CLTB: variants seen among roughly 807,000 people sequenced by gnomAD.
The protein encoded by CLTB is clathrin light chain B.
CLTB carries 10 observed loss-of-function variants against 30.5 expected under a neutral mutation model. The observed-to-expected ratio is 0.33, with a 90% CI of 0.20 to 0.56. The LOEUF is 0.56. Among genes scored for constraint, CLTB ranks in the 20% least tolerant of loss-of-function variants. CLTB has a pLI of 0.91. For synonymous variants in CLTB, 102 were observed against 120.3 expected (o/e 0.85, Z 1.00); for missense variants, 261 against 308.3 (o/e 0.85, Z 1.15).
chr5:176,398,888 G>C (rs1756678395), intron 2 of CLTB, among the ~76,000 whole-genome samples: 1 of 151,702 alleles, frequency 6.6e-6, no homozygotes, highest in Non-Finnish European at 1.5e-5. Flanking sequence ...TGTTTCCCAG[G>C]CTGGAGTGCA....
intron 2 of CLTB, among the ~76,000 whole-genome samples, chr5:176,403,107 T>C (rs1003540249): frequency 6.7e-6 from 1 of 150,230 alleles, no homozygotes; most frequent in African/African-American, 2.5e-5. Flanking sequence ...TGGAGTGCAG[T>C]GTCAGGATCT....
At chr5:176,415,631 A>G (rs141162436) in intron 1 of CLTB, among the ~76,000 whole-genome samples, 23 of 152,360 alleles carry the variant, frequency 1.5e-4, no homozygotes, top group African/African-American at 4.8e-4. Context: ...CAGTTTTACC[A>G]TCTCTGAAAT....
At chr5:176,398,480 G>A (rs1756660277) in intron 2 of CLTB, among the ~76,000 whole-genome samples, 2 of 152,140 alleles carry the variant, frequency 1.3e-5, no homozygotes, top group South Asian at 2.1e-4. Flanking sequence ...GGGAGGCCGA[G>A]GCGGCAAATC....
intron 2 of CLTB, among the ~76,000 whole-genome samples, 195 bp from the exon 3 acceptor site, chr5:176,398,242 G>A (rs568130332): frequency 4.3e-4 from 65 of 152,260 alleles, no homozygotes; most frequent in African/African-American, 1.4e-3. Flanking sequence ...GTGTGACTGC[G>A]GGCAAGTTAC....
chr5:176,411,740 C>G (rs1219626136), intron 1 of CLTB, among the ~76,000 whole-genome samples: 5 of 152,160 alleles, frequency 3.3e-5, no homozygotes, highest in Admixed American at 2.0e-4. Flanking sequence ...AACCCTGGAA[C>G]ATGAGGATCT....
chr5:176,397,865 G>C (rs1255445405), intron 3 of CLTB, 65 bp downstream of exon 3: 2 of 1,497,534 alleles, frequency 1.3e-6, no homozygotes, highest in African/African-American at 2.8e-5. Flanking sequence ...TGCACTCCGA[G>C]GACTCCCCAC....
At chr5:176,402,588 C>T (rs1222061161) in intron 2 of CLTB, among the ~76,000 whole-genome samples, 4 of 152,210 alleles carry the variant, frequency 2.6e-5, no homozygotes, top group Admixed American at 2.0e-4. Context: ...CCCTTCCCTC[C>T]CTGCCATGAG....
chr5:176,399,134 G>A (rs78849357), intron 2 of CLTB, among the ~76,000 whole-genome samples: 2 of 152,042 alleles, frequency 1.3e-5, no homozygotes, highest in African/African-American at 2.4e-5. Context: ...TTGAGCCACC[G>A]TGACCAGCCC....
intron 1 of CLTB, among the ~76,000 whole-genome samples, chr5:176,411,915 G>A (rs190322259): frequency 1.2e-4 from 18 of 152,190 alleles, no homozygotes; most frequent in African/African-American, 4.1e-4. Context: ...GGTGGCTTAT[G>A]CCTGTAATCC....
rs528480357 is a variant in CLTB at position 176,394,398 on chromosome 5, G to A, written c.519-1453C>T. Among the ~76,000 whole-genome samples the A allele has an allele frequency of 5.3e-5, 8 of 152,380 alleles. No individual in the cohort carries two copies. The South Asian group carries it at 6.2e-4, about 12-fold the overall frequency. On this transcript the variant is annotated intron_variant, in intron 5 of 5. Coordinates refer to ENST00000310418, the MANE Select transcript of CLTB (RefSeq NM_007097.5). ...GGCATGTGAAAGTTTGAGCCTGGGC[G>A]CAGTGGCTCACTCCTGTAATCCCAG...
At chr5:176,399,862 A>G (rs13175787) in intron 2 of CLTB, among the ~76,000 whole-genome samples, 14,173 of 149,208 alleles carry the variant, frequency 0.095, 801 homozygotes, top group African/African-American at 0.13. Context: ...TGGGCCACAG[A>G]GTGAGACTTG....
At chr5:176,397,770 C>G in intron 3 of CLTB, 52 bp from the exon 4 acceptor site, 1 of 1,563,530 alleles carries the variant, frequency 6.4e-7, no homozygotes, top group Non-Finnish European at 8.8e-7. Flanking sequence ...GATGCACAGG[C>G]CCGGCCGCGC....
intron 1 of CLTB, among the ~76,000 whole-genome samples, chr5:176,414,647 T>C (rs1324578060): frequency 1.3e-5 from 2 of 152,144 alleles, no homozygotes; most frequent in African/African-American, 4.8e-5. Context: ...TTCACCATGT[T>C]GCCCAGGCTC....
intron 1 of CLTB, among the ~76,000 whole-genome samples, chr5:176,411,090 T>C (rs1362164979): frequency 6.6e-6 from 1 of 152,256 alleles, no homozygotes; most frequent in African/African-American, 2.4e-5. Flanking sequence ...ACTGTGTCTC[T>C]TTCTCTTCTC....
At chr5:176,398,867 G>T (rs1006369930) in intron 2 of CLTB, among the ~76,000 whole-genome samples, 6 of 151,030 alleles carry the variant, frequency 4.0e-5, no homozygotes, top group Non-Finnish European at 1.5e-5. Context: ...TTTTGAGATG[G>T]AGTGTCCCTC....
chr5:176,412,042 GGCA>G (rs754105503), intron 1 of CLTB, among the ~76,000 whole-genome samples: 2 of 152,002 alleles, frequency 1.3e-5, no homozygotes, highest in Non-Finnish European at 2.9e-5. Flanking sequence ...CAGGCGTGGT[GGCA>G]GGCGCCTGTA....
chr5:176,401,416 A>T (rs1756810111), intron 2 of CLTB, among the ~76,000 whole-genome samples: 1 of 152,246 alleles, frequency 6.6e-6, no homozygotes, highest in African/African-American at 2.4e-5. Context: ...GCAAACATGT[A>T]CTGAGCCCTT....
At chr5:176,398,487 A>G (rs1756660824) in intron 2 of CLTB, among the ~76,000 whole-genome samples, 1 of 152,088 alleles carries the variant, frequency 6.6e-6, no homozygotes, top group Non-Finnish European at 1.5e-5. Context: ...CGAGGCGGCA[A>G]ATCACCTGAG....
In CLTB at chr5:176,392,854, T is replaced by TG; in HGVS notation, c.609dup (p.Lys204GlnfsTer31). 1 of 1,614,208 alleles carries TG rather than the reference T, an allele frequency of 6.2e-7. No individual in the cohort carries two copies. Among genetic ancestry groups the TG allele is most frequent in the Non-Finnish European group, 8.5e-7 (1 of 1,180,018 alleles). On this transcript the variant is annotated frameshift_variant, in exon 6 of 6. Coordinates refer to ENST00000310418, the MANE Select transcript of CLTB (RefSeq NM_007097.5). LOFTEE classifies it high-confidence loss of function. This position sits in a 1 kb window ranked among gnomAD's most constrained non-coding sequence, Gnocchi z 5.2. ...ACATCTTTGCACTGCTTGCTGCTCT[T>TG]GGGGTTGAAGTCACATAGCTGGGCC...
Sources: allele counts gnomAD v4.1 joint callset (sites outside exome capture counted in the v4.1 genomes callset), GRCh38; gene constraint gnomAD v4.1.1; non-coding constraint Gnocchi (gnomAD v3.1); transcripts MANE v1.5; gene names NCBI Gene and HGNC (gene_info 2026-07-23, HGNC 2026-07-21).